Variants in NAALADL2 observed in about 807,000 individuals in gnomAD.
NAALADL2 encodes the protein N-acetylated alpha-linked acidic dipeptidase like 2, also known as inactive N-acetylated-alpha-linked acidic dipeptidase-like protein 2.
In NAALADL2, 76 loss-of-function variants were observed where a neutral mutation model predicts 87.2. The observed-to-expected ratio is 0.87, with a 90% confidence interval of 0.72 to 1.05. The LOEUF (loss-of-function observed/expected upper bound fraction) is 1.05. Ranked by LOEUF, NAALADL2 falls within the 50% of genes least tolerant of loss-of-function variation. The probability of loss-of-function intolerance (pLI) is 0.00; values close to 1 mark genes in which losing one functional copy is unlikely to be tolerated. For synonymous variants in NAALADL2, 354 were observed against 331.0 expected, an observed-to-expected ratio of 1.07 and a Z score of -0.75; for missense variants, 1,089 against 945.8, an observed-to-expected ratio of 1.15 and a Z score of -1.99.
intron 1 of NAALADL2, among the ~76,000 whole-genome samples, chr3:174,961,041 A>ACT (rs1560415536): frequency 6.8e-6 from 1 of 146,624 alleles, no homozygotes; most frequent in Non-Finnish European, 1.5e-5. Context: ...TGTTTCTAAA[A>ACT]ATATATATAT....
chr3:174,718,512 T>A (rs1731413866), intron 2 of NAALADL2, among the ~76,000 whole-genome samples: 1 of 152,096 alleles, frequency 6.6e-6, no homozygotes, highest in Non-Finnish European at 1.5e-5. Flanking sequence ...ATGGAGCAAT[T>A]AATAGCAGAA....
rs1452427462 is a variant in NAALADL2 at position 174,765,143 on chromosome 3, CGAG to C, written c.-9+27398_-9+27400del. On this transcript the variant is annotated intron_variant, in intron 3 of 3. Coordinates refer to the NAALADL2 transcript ENST00000434257. ...ACACATACACACACACACACACACA[CGAG>C]AGAGAGAGAGAGAGAGAGAGAGAGA... Among the ~76,000 whole-genome samples the C allele has an allele frequency of 1.4e-3, 171 of 124,610 alleles. 1 individual carries two copies. The highest frequency in any genetic ancestry group is 1.7e-3 in the African/African-American group (50 of 29,702). The allele number at this position is 124,610 out of a possible 152,430, so 81.7% of individuals were successfully genotyped here.
chr3:174,753,853 TCATGAGGGTGGGG>T (rs1711592376), intron 3 of NAALADL2, among the ~76,000 whole-genome samples: 1 of 152,170 alleles, frequency 6.6e-6, no homozygotes, highest in Non-Finnish European at 1.5e-5. Context: ...TAAGATGAGG[TCATGAGGGTGGGG>T]CCCTCATAAT....
At chr3:175,065,198 G>A (rs1446904032) in intron 1 of NAALADL2, among the ~76,000 whole-genome samples, 2 of 152,058 alleles carry the variant, frequency 1.3e-5, no homozygotes, top group Non-Finnish European at 2.9e-5. Flanking sequence ...TTACTTACCT[G>A]GGCACTGTGC....
intron 4 of NAALADL2, among the ~76,000 whole-genome samples, chr3:175,264,059 C>G (rs1189353861): frequency 6.6e-6 from 1 of 151,762 alleles, no homozygotes; most frequent in African/African-American, 2.4e-5. Context: ...CACAGCCCTT[C>G]CAATCTTCTG....
intron 1 of NAALADL2, among the ~76,000 whole-genome samples, chr3:174,518,380 C>A (rs979237506): frequency 3.9e-5 from 6 of 152,146 alleles, no homozygotes; most frequent in African/African-American, 1.2e-4. Flanking sequence ...TAGTTTTTTA[C>A]ATAAAATAAT....
intron 2 of NAALADL2, among the ~76,000 whole-genome samples, chr3:174,625,708 A>G (rs1372053817): frequency 2.0e-5 from 3 of 152,092 alleles, no homozygotes; most frequent in African/African-American, 7.2e-5. Context: ...CATTAAATCT[A>G]TATGATGTTA....
chr3:175,153,419 T>G (rs916203405), intron 2 of NAALADL2, among the ~76,000 whole-genome samples: 7 of 152,150 alleles, frequency 4.6e-5, no homozygotes, highest in African/African-American at 1.7e-4. Flanking sequence ...CTGCACTGTC[T>G]CAGTTGGAGG....
chr3:174,938,237 T>C (rs1407216117), intron 1 of NAALADL2, among the ~76,000 whole-genome samples: 1 of 152,096 alleles, frequency 6.6e-6, no homozygotes, highest in Non-Finnish European at 1.5e-5. Context: ...TCATGAGTTC[T>C]CTTCATTTAG....
chr3:175,149,788 A>G (rs1299566044), intron 2 of NAALADL2, among the ~76,000 whole-genome samples: 1 of 152,104 alleles, frequency 6.6e-6, no homozygotes, highest in Non-Finnish European at 1.5e-5. Flanking sequence ...AGAGAAAACC[A>G]TTTCCTCTTT....
At chr3:175,660,157 C>T (rs1732053531) in intron 11 of NAALADL2, among the ~76,000 whole-genome samples, 1 of 152,054 alleles carries the variant, frequency 6.6e-6, no homozygotes, top group African/African-American at 2.4e-5. Flanking sequence ...TGGGCTCCAC[C>T]CTCATGACTC....
intron 2 of NAALADL2, among the ~76,000 whole-genome samples, chr3:175,194,563 A>G (rs965692793): frequency 2.0e-5 from 3 of 151,874 alleles, no homozygotes; most frequent in East Asian, 3.8e-4. Context: ...CTCTTTTTGA[A>G]TATATGAAAA....
At chr3:174,898,601 A>G (rs573883561) in intron 1 of NAALADL2, among the ~76,000 whole-genome samples, 59 of 152,184 alleles carry the variant, frequency 3.9e-4, no homozygotes, top group African/African-American at 1.3e-3. Context: ...TGTGTTAAGT[A>G]CATATCAGGT....
At chr3:175,677,485 G>A (rs1734971930) in intron 11 of NAALADL2, among the ~76,000 whole-genome samples, 1 of 139,542 alleles carries the variant, frequency 7.2e-6, no homozygotes, top group African/African-American at 2.9e-5. Flanking sequence ...TGGGGTGTGT[G>A]TGTGTGTGTG....
At chr3:174,608,998 G>T (rs970781126) in intron 2 of NAALADL2, among the ~76,000 whole-genome samples, 2 of 151,354 alleles carry the variant, frequency 1.3e-5, no homozygotes, top group Non-Finnish European at 3.0e-5. Context: ...GGGATGCAAG[G>T]CTGGTTCAAT....
intron 1 of NAALADL2, among the ~76,000 whole-genome samples, chr3:174,870,007 C>CAAAA (rs71624295): frequency 3.2e-5 from 2 of 62,840 alleles, no homozygotes; most frequent in African/African-American, 1.3e-4. Flanking sequence ...CCCCACCCGC[C>CAAAA]AAAAAAAAAA....
At chr3:174,568,985 T>A (rs959675036) in intron 2 of NAALADL2, among the ~76,000 whole-genome samples, 2 of 151,642 alleles carry the variant, frequency 1.3e-5, no homozygotes, top group African/African-American at 4.8e-5. Flanking sequence ...AAAAGCTAAG[T>A]TGTCCAATGC....
At chr3:174,976,275 T>A (rs550354433) in intron 1 of NAALADL2, among the ~76,000 whole-genome samples, 1 of 152,348 alleles carries the variant, frequency 6.6e-6, no homozygotes, top group South Asian at 2.1e-4. Context: ...ATCAGGATGT[T>A]TAAATATTTT....
intron 2 of NAALADL2, among the ~76,000 whole-genome samples, chr3:174,708,815 G>C (rs1730357927): frequency 6.6e-6 from 1 of 152,032 alleles, no homozygotes; most frequent in African/African-American, 2.4e-5. Context: ...CTTTAAAGGA[G>C]GCATCTTAGA....
Sources: gnomAD v4.1 joint callset for allele counts (sites outside exome capture counted in the v4.1 genomes callset) on GRCh38, gnomAD v4.1.1 for gene constraint, MANE v1.5 for transcripts, NCBI Gene and HGNC (gene_info 2026-07-23, HGNC 2026-07-21) for gene names.